OPCML: variants seen among roughly 807,000 people sequenced by gnomAD.
OPCML encodes the protein opioid binding protein/cell adhesion molecule like, also known as opioid-binding protein/cell adhesion molecule.
Under a neutral mutation model 37.8 loss-of-function variants are expected in OPCML, and 13 were observed. That is an observed-to-expected ratio of 0.34 (90% CI 0.22 to 0.55). OPCML has a LOEUF of 0.55. Among genes scored for constraint, OPCML ranks in the 20% least tolerant of loss-of-function variants. OPCML has a pLI of 0.91. For synonymous variants in OPCML, 176 were observed against 168.8 expected (o/e 1.04, Z -0.33); for missense variants, 341 against 435.6 (o/e 0.78, Z 1.93).
chr11:132,800,445 T>C (rs1312552275), intron 2 of OPCML, among the ~76,000 whole-genome samples: 1 of 152,190 alleles, frequency 6.6e-6, no homozygotes, highest in Non-Finnish European at 1.5e-5. Context: ...CCATAGCACC[T>C]TGTTGAATGG....
intron 2 of OPCML, among the ~76,000 whole-genome samples, chr11:132,909,859 C>A (rs1372361260): frequency 6.6e-6 from 1 of 152,198 alleles, no homozygotes; most frequent in African/African-American, 2.4e-5. Flanking sequence ...GAATCTCCTG[C>A]ATTTAAAGAG....
intron 1 of OPCML, among the ~76,000 whole-genome samples, chr11:133,475,576 A>G (rs1051778144): frequency 6.6e-6 from 1 of 152,202 alleles, no homozygotes; most frequent in Non-Finnish European, 1.5e-5. Flanking sequence ...AAGAATTAAT[A>G]GCATCTTCAC....
chr11:132,914,229 T>A (rs1454121900), intron 2 of OPCML, among the ~76,000 whole-genome samples: 2 of 152,238 alleles, frequency 1.3e-5, no homozygotes, highest in African/African-American at 4.8e-5. Flanking sequence ...TGTGGCCCTC[T>A]GCTCCAGATC....
chr11:133,186,445 G>A (rs1003835047), intron 1 of OPCML, among the ~76,000 whole-genome samples: 1 of 151,490 alleles, frequency 6.6e-6, no homozygotes, highest in Non-Finnish European at 1.5e-5. Flanking sequence ...GGCCTCTGAA[G>A]TGGATGCTTA....
At chr11:132,751,296 T>A (rs1400623351) in intron 2 of OPCML, among the ~76,000 whole-genome samples, 2 of 152,326 alleles carry the variant, frequency 1.3e-5, no homozygotes, top group East Asian at 3.9e-4. Context: ...GGTGAGACTC[T>A]GCTCCTGAGA....
chr11:132,420,775 C>G (rs2136649072), intron 7 of OPCML, among the ~76,000 whole-genome samples: 1 of 152,256 alleles, frequency 6.6e-6, no homozygotes, highest in African/African-American at 2.4e-5. Context: ...TTGTCAACCT[C>G]AATGCATGCA....
intron 1 of OPCML, among the ~76,000 whole-genome samples, chr11:133,131,006 G>A (rs1949595755): frequency 6.6e-6 from 1 of 152,114 alleles, no homozygotes; most frequent in African/African-American, 2.4e-5. Flanking sequence ...GATATTTGGA[G>A]GTGGGAATTT....
At chr11:132,887,514 T>C (rs981206793) in intron 2 of OPCML, among the ~76,000 whole-genome samples, 1 of 152,174 alleles carries the variant, frequency 6.6e-6, no homozygotes, top group Non-Finnish European at 1.5e-5. Context: ...CCGAGTACAA[T>C]GAACAACATC....
At chr11:132,442,101 A>C (rs2096037812) in intron 4 of OPCML, among the ~76,000 whole-genome samples, 1 of 152,142 alleles carries the variant, frequency 6.6e-6, no homozygotes, top group Admixed American at 6.5e-5. Context: ...GTGGTGAGGG[A>C]ATGGGGGCAG....
intron 1 of OPCML, among the ~76,000 whole-genome samples, chr11:133,046,377 G>A (rs765296003): frequency 1.5e-4 from 23 of 152,126 alleles, no homozygotes; most frequent in Non-Finnish European, 8.8e-5. Context: ...TAGCCAGTCC[G>A]CTAAAGAACA....
chr11:132,867,816 G>A (rs578135780), intron 2 of OPCML, among the ~76,000 whole-genome samples: 1 of 152,270 alleles, frequency 6.6e-6, no homozygotes, highest in African/African-American at 2.4e-5. Flanking sequence ...ATTTAATCGT[G>A]TTAGCAAGGC....
intron 1 of OPCML, among the ~76,000 whole-genome samples, chr11:133,107,820 A>T (rs951446087): frequency 4.6e-5 from 7 of 152,326 alleles, no homozygotes; most frequent in East Asian, 3.9e-4. Context: ...GTAACAACTC[A>T]TTTTAATGTT....
At chr11:132,778,961 C>CTTTTTTTTT (rs10657036) in intron 2 of OPCML, among the ~76,000 whole-genome samples, 12 of 87,940 alleles carry the variant, frequency 1.4e-4, no homozygotes, top group Non-Finnish European at 1.7e-4. Context: ...TGGTATATTT[C>CTTTTTTTTT]TTTTTTTTTT....
chr11:133,104,623 T>C (rs571203566), intron 1 of OPCML, among the ~76,000 whole-genome samples: 5 of 152,308 alleles, frequency 3.3e-5, no homozygotes, highest in East Asian at 3.9e-4. Flanking sequence ...AAGTAAAACA[T>C]GTCCAAGATT....
At chr11:133,356,405 C>T (rs1482249666) in intron 1 of OPCML, among the ~76,000 whole-genome samples, 1 of 152,140 alleles carries the variant, frequency 6.6e-6, no homozygotes, top group Non-Finnish European at 1.5e-5. Flanking sequence ...AAGAAATGAG[C>T]TGGAGTTCCT....
intron 1 of OPCML, among the ~76,000 whole-genome samples, chr11:133,221,331 C>T (rs1939817916): frequency 6.6e-6 from 1 of 152,210 alleles, no homozygotes; most frequent in Admixed American, 6.5e-5. Context: ...GCTCCCTGAT[C>T]ATTTCTGCAA....
intron 2 of OPCML, among the ~76,000 whole-genome samples, chr11:132,852,407 G>T (rs530507032): frequency 6.6e-6 from 1 of 152,036 alleles, no homozygotes. Context: ...GACCCCATGG[G>T]GTCCCTGAGA....
chr11:133,409,993 T>C (rs1945609998), intron 1 of OPCML, among the ~76,000 whole-genome samples: 3 of 151,966 alleles, frequency 2.0e-5, no homozygotes, highest in African/African-American at 7.3e-5. Context: ...AAGGACGTGC[T>C]AGAAGGTGAA....
chr11:132,544,372 A>G (rs76965869), intron 3 of OPCML, among the ~76,000 whole-genome samples: 4,132 of 152,260 alleles, frequency 0.027, 195 homozygotes, highest in African/African-American at 0.094. Context: ...GAAAGGTGAG[A>G]CATACACAAA....
Sources: gnomAD v4.1 joint callset for allele counts (sites outside exome capture counted in the v4.1 genomes callset) on GRCh38, gnomAD v4.1.1 for gene constraint, MANE v1.5 for transcripts, NCBI Gene and HGNC (gene_info 2026-07-23, HGNC 2026-07-21) for gene names.